MRC2: variants seen among roughly 807,000 people sequenced by gnomAD.
MRC2 encodes the protein mannose receptor C-type 2.
A neutral mutation model predicts 206.2 loss-of-function variants in MRC2; 84 were observed. That is an observed-to-expected ratio of 0.41 (90% CI 0.34 to 0.49). The LOEUF is 0.49. Among genes scored for constraint, MRC2 ranks in the 20% least tolerant of loss-of-function variants. The probability of loss-of-function intolerance (pLI) is 0.31; values close to 1 mark genes in which losing one functional copy is unlikely to be tolerated. For synonymous variants in MRC2, 798 were observed against 800.0 expected (o/e 1.00, Z 0.04); for missense variants, 1,676 against 2,001.5 (o/e 0.84, Z 3.10).
intron 1 of MRC2, among the ~76,000 whole-genome samples, chr17:62,657,497 C>T (rs1349638049): frequency 6.6e-6 from 1 of 152,140 alleles, no homozygotes; most frequent in Non-Finnish European, 1.5e-5. Context: ...GGGTTGATTG[C>T]CTACAAAATG....
chr17:62,668,956 T>A (rs2088791557), intron 6 of MRC2, among the ~76,000 whole-genome samples: 1 of 152,090 alleles, frequency 6.6e-6, no homozygotes, highest in Non-Finnish European at 1.5e-5. Flanking sequence ...AGGCTGGAGA[T>A]CTGGCCTGGC....
At position 62,652,915 on chromosome 17, in the gene MRC2, G is replaced by A. The variant is rs1440601118; in HGVS notation, c.119-11633G>A. On this transcript the variant is annotated intron_variant, in intron 1 of 29. Coordinates refer to ENST00000303375, the MANE Select transcript of MRC2 (RefSeq NM_006039.5). The surrounding 1 kb of genome is among the most constrained non-coding windows in gnomAD (Gnocchi z 4.6). ...TTGGGGGCGCACGATGGCGGGGGCA[G>A]GGGTGCCCCTTGGGAGCAGAAGCAG... 6.6e-6 allele frequency among the ~76,000 whole-genome samples: 1 copy of A among 152,010 alleles called. No individual in the cohort carries two copies. The highest frequency in any genetic ancestry group is 1.9e-4 in the East Asian group (1 of 5,156).
chr17:62,639,781 C>T (rs1429523591), intron 1 of MRC2, among the ~76,000 whole-genome samples: 2 of 152,002 alleles, frequency 1.3e-5, no homozygotes, highest in Non-Finnish European at 1.5e-5. Context: ...TGAGCCACAG[C>T]CTTTAGTAGC....
rs760264179 is a variant in MRC2, at chr17:62,675,812, C to T, written c.1592C>T (p.Ser531Phe). 10 of 1,614,098 alleles carry T rather than the reference C, an allele frequency of 6.2e-6. No individual in the cohort carries two copies. The South Asian group carries it at 9.9e-5, about 16-fold the overall frequency. The part of the protein sequence containing the change: ...CRKGWTWHSP[S>F]CYWLGEDQVT... ...CAGGGTTGGACGTGGCACAGCCCAT[C>T]CTGCTACTGGCTGGGAGAAGACCAA... The change falls in exon 10 of 30, where the codon TCC becomes TTC. Residue 531 changes from serine to phenylalanine, a missense_variant. Around this residue, in one of 3 missense-constraint regions of MRC2, gnomAD observed 1,354 missense variants for 1,636.6 expected, o/e 0.83. Transcript: ENST00000303375. The surrounding 1 kb of genome is among the most constrained non-coding windows in gnomAD (Gnocchi z 4.1).
At chr17:62,661,843 C>A (rs2088685170) in intron 1 of MRC2, 1 of 152,104 alleles carries the variant, frequency 6.6e-6, no homozygotes, top group Admixed American at 6.6e-5. Context: ...TTAAAAAAAT[C>A]TTTTTATGGG....
chr17:62,692,591 G>T lies in MRC2; in HGVS notation c.*140G>T, dbSNP rs1783782412. The T allele has an allele frequency of 1.1e-6, 1 of 873,644 alleles. No homozygotes were observed. The highest frequency in any genetic ancestry group is 1.7e-5 in the South Asian group (1 of 59,852). The allele number at this position is 873,644 out of a possible 1,614,324, so 54.1% of individuals were successfully genotyped here. On this transcript the variant is annotated 3_prime_UTR_variant, in exon 30 of 30. Transcript: ENST00000303375. The surrounding 1 kb of genome is among the most constrained non-coding windows in gnomAD (Gnocchi z 4.2). Reference sequence around the variant, plus strand: ...AGTCGCTGTTGGGAGCCGGAGCTGGGCAGAGCCTGGGCTGGTGGGGTGCCA... The same window carrying T: ...AGTCGCTGTTGGGAGCCGGAGCTGGTCAGAGCCTGGGCTGGTGGGGTGCCA...
chr17:62,690,832 G>A (rs571752607), intron 27 of MRC2, 71 bp downstream of exon 27: 1,537 of 1,512,916 alleles, frequency 1.0e-3, no homozygotes, highest in Admixed American at 1.6e-3. Context: ...ACTTTGCCCT[G>A]AGCCTTGTCC....
chr17:62,631,243 G>A (rs563973926), intron 1 of MRC2, among the ~76,000 whole-genome samples: 3 of 152,128 alleles, frequency 2.0e-5, no homozygotes, highest in Non-Finnish European at 2.9e-5. Context: ...GGGATGGAGC[G>A]ATGGCACCCA....
chr17:62,691,136 C>T lies in MRC2; in HGVS notation c.4192+8C>T, dbSNP rs371801779. ...TCTGCAAGCTTCCTCGTGGTGAGCG[C>T]CGGGCAGGCCCACGCTCAGCCTCCT... On this transcript the variant is annotated splice_region_variant and intron_variant, in intron 28 of 29. Coordinates refer to ENST00000303375, the MANE Select transcript of MRC2 (RefSeq NM_006039.5). 4.4e-6 allele frequency: 7 copies of T among 1,593,514 alleles called. No homozygotes were observed. The African/African-American group carries it at 9.4e-5, about 22-fold the overall frequency.
At chr17:62,665,128 G>A (rs950810851) in intron 2 of MRC2, among the ~76,000 whole-genome samples, 179 bp downstream of exon 2, 7 of 152,146 alleles carry the variant, frequency 4.6e-5, no homozygotes, top group Non-Finnish European at 7.4e-5. Flanking sequence ...GGCCAGGTGC[G>A]GTGGCTCACG....
chr17:62,654,591 C>T (rs955091089), intron 1 of MRC2, among the ~76,000 whole-genome samples: 2 of 152,076 alleles, frequency 1.3e-5, no homozygotes, highest in African/African-American at 2.4e-5. Context: ...ACTGCAGCAA[C>T]AGCTGAGGGT....
intron 1 of MRC2, 36 bp downstream of exon 1, chr17:62,627,956 G>T (rs1598959884): frequency 7.4e-7 from 1 of 1,345,066 alleles, no homozygotes; most frequent in East Asian, 3.0e-5. Context: ...TTCAGGGCCC[G>T]GGCGGGGGGA....
At chr17:62,686,478 A>G (rs962401925) in intron 20 of MRC2, among the ~76,000 whole-genome samples, 1 of 151,862 alleles carries the variant, frequency 6.6e-6, no homozygotes, top group Non-Finnish European at 1.5e-5. Context: ...AACAACAACA[A>G]CAACAACAAA....
chr17:62,679,846 C>T lies in MRC2; in HGVS notation c.2242C>T (p.Leu748=). ...CGAGCAGCACTGGTTCTGGATCGGC[C>T]TGAACCGTCGGGATCCCAGAGGGGG... ...IHEQHWFWIG[L]NRRDPRGGQS... is the part of the protein sequence containing the mutation. The change falls in exon 14 of 30, where the codon CTG becomes TTG. Residue 748 remains leucine, a synonymous_variant. Coordinates refer to ENST00000303375, the MANE Select transcript of MRC2 (RefSeq NM_006039.5). The T allele has an allele frequency of 6.2e-7, 1 of 1,614,002 alleles. No homozygotes were observed.
chr17:62,666,034 G>A lies in MRC2; in HGVS notation c.521-60G>A. 1 of 1,512,886 alleles carries A rather than the reference G, an allele frequency of 6.6e-7. No individual in the cohort carries two copies. The highest frequency in any genetic ancestry group is 8.9e-7 in the Non-Finnish European group (1 of 1,125,192). 93.7% of individuals were successfully genotyped at this position (1,512,886 alleles called of 1,614,324 possible). ...TAGGGGATTTCTCCTGAGGGTCGAG[G>A]GGCTTGGCAGCCTCTGGTGTCCAGA... On this transcript the variant is annotated intron_variant, in intron 2 of 29. Coordinates refer to ENST00000303375, the MANE Select transcript of MRC2 (RefSeq NM_006039.5). The surrounding 1 kb of genome is among the most constrained non-coding windows in gnomAD (Gnocchi z 5.0).
intron 1 of MRC2, among the ~76,000 whole-genome samples, chr17:62,645,426 T>C (rs577163847): frequency 6.7e-6 from 1 of 148,218 alleles, no homozygotes; most frequent in Non-Finnish European, 1.5e-5. Flanking sequence ...ATATATGTGA[T>C]ATATATACAC....
chr17:62,631,320 C>T (rs2084214421), intron 1 of MRC2, among the ~76,000 whole-genome samples: 1 of 152,064 alleles, frequency 6.6e-6, no homozygotes, highest in Non-Finnish European at 1.5e-5. Flanking sequence ...TTCGGCACCT[C>T]CCATCTCTGA....
chr17:62,652,584 T>G lies in MRC2; in HGVS notation c.119-11964T>G, dbSNP rs543480079. On this transcript the variant is annotated intron_variant, in intron 1 of 29. Transcript: ENST00000303375. This position sits in a 1 kb window ranked among gnomAD's most constrained non-coding sequence, Gnocchi z 4.6. ...ACGGGGAAGGAAGTGGCTCTTGGGC[T>G]GTTTATTTTGGCTGCGGGCTAGCAG... Among the ~76,000 whole-genome samples, 53 of 152,282 alleles carry G rather than the reference T, an allele frequency of 3.5e-4. No individual in the cohort carries two copies. The highest frequency in any genetic ancestry group is 1.2e-3 in the African/African-American group (48 of 41,568).
Position 62,689,971 on chromosome 17 carries a change from G to A in MRC2, c.3651G>A (p.Pro1217=), listed in dbSNP as rs140662871. Residue 1217 remains proline, a synonymous_variant, in exon 25 of 30, where the codon CCG becomes CCA. Coordinates refer to ENST00000303375, the MANE Select transcript of MRC2 (RefSeq NM_006039.5). ...VGWQDGEPQQ[P]GGCTYVDVDG... is the part of the protein sequence containing the mutation. ...GGCAGGACGGGGAGCCGCAGCAGCC[G>A]GGGGGCTGTACCTACGTAGATGTGG... The A allele has an allele frequency of 9.3e-6, 15 of 1,612,226 alleles. No homozygotes were observed. Among genetic ancestry groups the A allele is most frequent in the South Asian group, 4.4e-5 (4 of 90,992 alleles).
Sources: allele counts gnomAD v4.1 joint callset (sites outside exome capture counted in the v4.1 genomes callset), GRCh38; gene constraint gnomAD v4.1.1; regional missense constraint gnomAD v4.1.1; non-coding constraint Gnocchi (gnomAD v3.1); transcripts MANE v1.5; gene names NCBI Gene and HGNC (gene_info 2026-07-23, HGNC 2026-07-21).